The following OR9Q1 variants were observed in gnomAD, a reference collection of about 807,000 sequenced individuals.
OR9Q1 encodes the protein olfactory receptor family 9 subfamily Q member 1.
For synonymous variants in OR9Q1, 153 were observed against 148.6 expected (o/e 1.03, Z -0.22); for missense variants, 374 against 378.8 (o/e 0.99, Z 0.11).
At chr11:58,064,387 A>T (rs1054518442) in intron 2 of OR9Q1, among the ~76,000 whole-genome samples, 6 of 152,168 alleles carry the variant, frequency 3.9e-5, no homozygotes, top group Non-Finnish European at 4.4e-5. Context: ...ACCAGGCTGC[A>T]CTTTGTCATT....
At chr11:58,072,147 A>G (rs970219580) in intron 2 of OR9Q1, among the ~76,000 whole-genome samples, 2 of 152,226 alleles carry the variant, frequency 1.3e-5, no homozygotes, top group African/African-American at 4.8e-5. Flanking sequence ...CTTAAAGTAC[A>G]AATATTTATT....
chr11:58,139,612 C>T (rs943275589), intron 2 of OR9Q1, among the ~76,000 whole-genome samples: 1 of 152,064 alleles, frequency 6.6e-6, no homozygotes, highest in African/African-American at 2.4e-5. Flanking sequence ...AGGACATGAA[C>T]TCATCATTTT....
At chr11:58,029,408 T>C (rs1214626920) in intron 1 of OR9Q1, among the ~76,000 whole-genome samples, 1 of 152,180 alleles carries the variant, frequency 6.6e-6, no homozygotes, top group Admixed American at 6.5e-5. Context: ...GCCTGGAACC[T>C]GGCACAGCAT....
chr11:58,144,306 G>A (rs181422501), intron 2 of OR9Q1, among the ~76,000 whole-genome samples: 1 of 151,108 alleles, frequency 6.6e-6, no homozygotes, highest in African/African-American at 2.4e-5. Context: ...GCGATAGTTT[G>A]CTGAGAATGA....
chr11:58,105,291 T>G (rs1462032839), intron 2 of OR9Q1, among the ~76,000 whole-genome samples: 4 of 152,202 alleles, frequency 2.6e-5, no homozygotes, highest in African/African-American at 9.6e-5. Flanking sequence ...ATGACGACAA[T>G]GCTCTGTAAG....
intron 2 of OR9Q1, among the ~76,000 whole-genome samples, chr11:58,167,520 A>G (rs1175790707): frequency 6.6e-6 from 1 of 152,202 alleles, no homozygotes; most frequent in African/African-American, 2.4e-5. Context: ...TTGCCATATT[A>G]ACTTACTGGC....
At chr11:58,090,165 C>T (rs1158319993) in intron 2 of OR9Q1, among the ~76,000 whole-genome samples, 3 of 152,130 alleles carry the variant, frequency 2.0e-5, no homozygotes, top group African/African-American at 4.8e-5. Flanking sequence ...TTGCGCTGGT[C>T]AGAACTTTCA....
intron 1 of OR9Q1, among the ~76,000 whole-genome samples, chr11:58,055,380 T>A (rs145418557): frequency 3.4e-4 from 51 of 152,150 alleles, no homozygotes; most frequent in African/African-American, 1.1e-3. Context: ...TTTGCTATGG[T>A]TTGGATGTTT....
intron 2 of OR9Q1, among the ~76,000 whole-genome samples, chr11:58,096,373 A>C (rs1853731945): frequency 6.6e-6 from 1 of 152,182 alleles, no homozygotes; most frequent in Non-Finnish European, 1.5e-5. Context: ...CTGTCCAGAC[A>C]ATCATTCTTC....
intron 2 of OR9Q1, among the ~76,000 whole-genome samples, chr11:58,159,868 T>A (rs1301288289): frequency 6.6e-6 from 1 of 152,226 alleles, no homozygotes; most frequent in Non-Finnish European, 1.5e-5. Flanking sequence ...AATGTTCTCT[T>A]CCTGCAATAA....
chr11:58,079,575 T>C (rs151273632), intron 2 of OR9Q1, among the ~76,000 whole-genome samples: 1 of 152,258 alleles, frequency 6.6e-6, no homozygotes, highest in Non-Finnish European at 1.5e-5. Flanking sequence ...ATGACTTACT[T>C]TGATAGAGTG....
rs1241029434 is a variant in OR9Q1, at chr11:58,023,882, G to C, written c.-315G>C. 1 of 152,192 alleles carries C rather than the reference G, an allele frequency of 6.6e-6. No individual in the cohort carries two copies. The highest frequency in any genetic ancestry group is 2.4e-5 in the African/African-American group (1 of 41,444). 9.4% of individuals were successfully genotyped at this position (152,192 alleles called of 1,614,324 possible). On this transcript the variant is annotated 5_prime_UTR_variant, in exon 1 of 3. Transcript: ENST00000335397. ...GGTCAGAAAGGGCCTCTCTGTTAAGGTGGCCCTTGTGCAGGGAATTGAAGA... is the reference window on the plus strand; with the variant it reads ...GGTCAGAAAGGGCCTCTCTGTTAAGCTGGCCCTTGTGCAGGGAATTGAAGA...
intron 2 of OR9Q1, among the ~76,000 whole-genome samples, chr11:58,146,291 C>G (rs866261081): frequency 2.2e-4 from 34 of 152,160 alleles, no homozygotes; most frequent in African/African-American, 8.0e-4. Flanking sequence ...GACATTTACT[C>G]TATTGTCAGA....
intron 2 of OR9Q1, among the ~76,000 whole-genome samples, chr11:58,062,799 T>G (rs1235560550): frequency 6.6e-6 from 1 of 152,200 alleles, no homozygotes; most frequent in Non-Finnish European, 1.5e-5. Flanking sequence ...AAAGCAATCC[T>G]GTCAATTAGA....
At chr11:58,101,167 TTATA>T (rs1853780006) in intron 2 of OR9Q1, among the ~76,000 whole-genome samples, 1 of 151,910 alleles carries the variant, frequency 6.6e-6, no homozygotes, top group African/African-American at 2.4e-5. Flanking sequence ...TATATAGTAT[TTATA>T]TATAAGAAAG....
chr11:58,118,873 T>A (rs1463441427), intron 2 of OR9Q1: 2 of 1,614,006 alleles, frequency 1.2e-6, no homozygotes, highest in Non-Finnish European at 1.7e-6. Flanking sequence ...GTTTGCTGTG[T>A]CACTGCAGGC....
At chr11:58,053,263 T>C (rs28854839) in intron 1 of OR9Q1, among the ~76,000 whole-genome samples, 10 of 151,666 alleles carry the variant, frequency 6.6e-5, no homozygotes, top group East Asian at 5.8e-4. Flanking sequence ...GAATACTATG[T>C]AGCCATAAAA....
At chr11:58,087,401 C>T (rs1387749472) in intron 2 of OR9Q1, among the ~76,000 whole-genome samples, 2 of 151,728 alleles carry the variant, frequency 1.3e-5, no homozygotes, top group African/African-American at 4.9e-5. Flanking sequence ...GTGTCTAATT[C>T]CTCTCACTCA....
At chr11:58,068,862 G>A (rs1224884574) in intron 2 of OR9Q1, among the ~76,000 whole-genome samples, 1 of 152,118 alleles carries the variant, frequency 6.6e-6, no homozygotes, top group African/African-American at 2.4e-5. Flanking sequence ...TTGGCCTGAA[G>A]GGAGCACCAG....
Sources: gnomAD v4.1 joint callset for allele counts (sites outside exome capture counted in the v4.1 genomes callset) on GRCh38, gnomAD v4.1.1 for gene constraint, MANE v1.5 for transcripts, NCBI Gene and HGNC (gene_info 2026-07-23, HGNC 2026-07-21) for gene names.